Variants in RASSF8 observed in about 807,000 individuals in gnomAD.
RASSF8 encodes the protein Ras association domain family member 8, also known as ras association domain-containing protein 8.
A neutral mutation model predicts 48.5 loss-of-function variants in RASSF8; 22 were observed. The observed-to-expected ratio is 0.45, with a 90% CI of 0.32 to 0.65. The LOEUF (loss-of-function observed/expected upper bound fraction) is 0.65. Among genes scored for constraint, RASSF8 ranks in the 30% least tolerant of loss-of-function variants. The pLI is 0.03. For missense variants in RASSF8, 418 were observed against 489.2 expected, an observed-to-expected ratio of 0.85 and a Z score of 1.37; for synonymous variants, 127 against 171.5, an observed-to-expected ratio of 0.74 and a Z score of 2.03.
chr12:26,073,688 G>A (rs1426911848), downstream of RASSF8, among the ~76,000 whole-genome samples: 4 of 151,268 alleles, frequency 2.6e-5, no homozygotes, highest in African/African-American at 9.7e-5. Context: ...GGAGTGAGCC[G>A]AGATCGCACC....
Position 26,064,978 on chromosome 12 carries a change from A to G in RASSF8, c.584A>G (p.Glu195Gly). 6.2e-7 allele frequency: 1 copy of G among 1,613,614 alleles called. No individual in the cohort carries two copies. The highest frequency in any genetic ancestry group is 1.1e-5 in the South Asian group (1 of 90,916). The change falls in exon 4 of 6, where the codon GAG (glutamate) becomes GGG (glycine). Residue 195 changes from glutamate to glycine, a missense_variant. Physicochemically the swap from Glu to Gly is moderately conservative, Grantham distance 98. Coordinates refer to ENST00000689635, the MANE Select transcript of RASSF8 (RefSeq NM_001394098.1). ...ESNEIEIRFW[E>G]QKYNSNLEEE... ...AATGAAATAGAAATAAGATTTTGGG[A>G]GCAAAAGTATAATTCCAACCTTGAA...
At chr12:26,005,025 AAAAT>A (rs1942354293) in intron 2 of RASSF8, among the ~76,000 whole-genome samples, 1 of 152,210 alleles carries the variant, frequency 6.6e-6, no homozygotes, top group African/African-American at 2.4e-5. Context: ...TATGAAATGA[AAAAT>A]AAGGTTTCAT....
At chr12:26,009,852 GA>G (rs1474048916) in intron 2 of RASSF8, among the ~76,000 whole-genome samples, 5 of 152,328 alleles carry the variant, frequency 3.3e-5, no homozygotes, top group Non-Finnish European at 5.9e-5. Flanking sequence ...TGGAAAGTGA[GA>G]AAATGAAAGC....
Position 26,071,554 on chromosome 12 carries a change from G to A in RASSF8, c.*2736G>A, listed in dbSNP as rs1944001059. 1 of 979,398 alleles carries A rather than the reference G, an allele frequency of 1.0e-6. No individual in the cohort carries two copies. The highest frequency in any genetic ancestry group is 1.8e-5 in the African/African-American group (1 of 57,076). 60.7% of individuals were successfully genotyped at this position (979,398 alleles called of 1,614,324 possible). A position where few individuals can be genotyped will look rare whatever the true frequency, so the allele number is the denominator to read the frequency against. ...GAGTGTCTGTCATCCTCAGAGAATG[G>A]CCCATAGTGTGTTGCCTGTGGACAT... On this transcript the variant is annotated 3_prime_UTR_variant, in exon 6 of 6. Coordinates refer to ENST00000689635, the MANE Select transcript of RASSF8 (RefSeq NM_001394098.1).
At chr12:26,006,102 A>C (rs1162524923) in intron 2 of RASSF8, among the ~76,000 whole-genome samples, 2 of 152,154 alleles carry the variant, frequency 1.3e-5, no homozygotes, top group East Asian at 3.8e-4. Flanking sequence ...CCTACCAAAG[A>C]CCCAGGAGTT....
intron 2 of RASSF8, among the ~76,000 whole-genome samples, chr12:26,042,107 T>G (rs1029498933): frequency 6.6e-6 from 1 of 152,234 alleles, no homozygotes; most frequent in African/African-American, 2.4e-5. Flanking sequence ...TCAGAAAGGT[T>G]TGGTTTATTA....
At position 26,069,958 on chromosome 12, in the gene RASSF8, T is replaced by G; in HGVS notation, c.*1140T>G. The G allele has an allele frequency of 2.0e-6, 2 of 976,246 alleles. No individual in the cohort carries two copies. Among genetic ancestry groups the G allele is most frequent in the South Asian group, 9.5e-5 (2 of 21,140 alleles). The allele number at this position is 976,246 out of a possible 1,614,324, so 60.5% of individuals were successfully genotyped here. A position where few individuals can be genotyped will look rare whatever the true frequency, so the allele number is the denominator to read the frequency against. On this transcript the variant is annotated 3_prime_UTR_variant, in exon 6 of 6. Coordinates refer to ENST00000689635, the MANE Select transcript of RASSF8 (RefSeq NM_001394098.1). ...TTTAGGCTTGACTTTTACAAGACAT[T>G]AATCTCCATTTGTACATATGTTATT...
At position 25,961,971 on chromosome 12, in the gene RASSF8, G is replaced by A. The variant is rs554903459; in HGVS notation, c.-203+2823G>A. Reference sequence around the variant, plus strand: ...TTCTGCCATCCTAATGCAAGCCACTGTACTGTATTATCTTTTTCCTTGGTG... The same window carrying A: ...TTCTGCCATCCTAATGCAAGCCACTATACTGTATTATCTTTTTCCTTGGTG... On this transcript the variant is annotated intron_variant, in intron 1 of 5. Transcript: ENST00000689635. Among the ~76,000 whole-genome samples the A allele has an allele frequency of 7.9e-5, 12 of 152,008 alleles. No individual in the cohort carries two copies. In the East Asian group the frequency reaches 2.3e-3, roughly 29 times the overall value.
At chr12:26,068,553 C>A in intron 5 of RASSF8, 144 bp from the exon 6 acceptor site, 2 of 646,504 alleles carry the variant, frequency 3.1e-6, no homozygotes, top group South Asian at 2.0e-5. Context: ...TTAGCCTTCT[C>A]CCCCAGCCCA....
At chr12:26,000,208 G>T (rs1942223407) in intron 2 of RASSF8, among the ~76,000 whole-genome samples, 2 of 152,220 alleles carry the variant, frequency 1.3e-5, no homozygotes, top group Non-Finnish European at 2.9e-5. Flanking sequence ...GGAGCAGAAT[G>T]GAAAGCTCAG....
At chr12:26,046,521 T>G (rs1412212844) in intron 2 of RASSF8, among the ~76,000 whole-genome samples, 2 of 152,132 alleles carry the variant, frequency 1.3e-5, no homozygotes, top group Admixed American at 1.3e-4. Flanking sequence ...CCAAAAAGAT[T>G]TAAAAAATTT....
intron 1 of RASSF8, among the ~76,000 whole-genome samples, chr12:25,966,415 G>T (rs1477521878): frequency 6.6e-6 from 1 of 152,080 alleles, no homozygotes; most frequent in Non-Finnish European, 1.5e-5. Flanking sequence ...TTGCTATGTT[G>T]CCCAGGCTGG....
intron 2 of RASSF8, among the ~76,000 whole-genome samples, chr12:26,018,619 C>T (rs1942710182): frequency 6.6e-6 from 1 of 152,140 alleles, no homozygotes; most frequent in Non-Finnish European, 1.5e-5. Context: ...CGAGAACCAG[C>T]AGAAAGGGGG....
intron 1 of RASSF8, among the ~76,000 whole-genome samples, chr12:25,980,203 AC>A (rs923611501): frequency 1.3e-5 from 2 of 152,212 alleles, no homozygotes; most frequent in Non-Finnish European, 2.9e-5. Context: ...TAACCCACAA[AC>A]GAGAACTTTC....
chr12:25,961,912 T>C (rs945759355), intron 1 of RASSF8, among the ~76,000 whole-genome samples: 1 of 152,172 alleles, frequency 6.6e-6, no homozygotes, highest in Non-Finnish European at 1.5e-5. Context: ...TTGCAAAATC[T>C]CTTTCAAACC....
In RASSF8 at chr12:25,960,553, C is replaced by T. The variant is rs138589968; in HGVS notation, c.-203+1405C>T. Among the ~76,000 whole-genome samples, 530 of 152,200 alleles carry T rather than the reference C, an allele frequency of 3.5e-3. 4 individuals carry two copies. The highest frequency in any genetic ancestry group is 0.011 in the African/African-American group (446 of 41,526). ...AACCATAAAATTACACATGACCATC[C>T]CCCACTTGAAGAAGACTGAACATAG... On this transcript the variant is annotated intron_variant, in intron 1 of 5. Transcript: ENST00000689635.
intron 1 of RASSF8, among the ~76,000 whole-genome samples, chr12:25,966,449 G>T (rs73074898): frequency 0.11 from 17,128 of 152,078 alleles, 1,294 homozygotes; most frequent in Admixed American, 0.19. Context: ...GCCTCAAGCA[G>T]TCCTCCCACC....
intron 1 of RASSF8, among the ~76,000 whole-genome samples, chr12:25,991,771 T>C (rs1280216761): frequency 6.6e-6 from 1 of 152,222 alleles, no homozygotes; most frequent in Non-Finnish European, 1.5e-5. Flanking sequence ...CTGTTGGCTG[T>C]ACAGGTTATC....
chr12:25,999,741 A>C (rs918017276), intron 2 of RASSF8, among the ~76,000 whole-genome samples: 1 of 152,162 alleles, frequency 6.6e-6, no homozygotes, highest in Admixed American at 6.5e-5. Flanking sequence ...AATCAACTAA[A>C]ATGTAGTTTA....
Sources: allele counts gnomAD v4.1 joint callset (sites outside exome capture counted in the v4.1 genomes callset), GRCh38; gene constraint gnomAD v4.1.1; transcripts MANE v1.5; gene names NCBI Gene and HGNC (gene_info 2026-07-23, HGNC 2026-07-21).